The following NEGR1 variants were observed in gnomAD, a reference collection of about 807,000 sequenced individuals.
NEGR1 encodes the protein neuronal growth regulator 1, also known as IgLON family member 4.
In NEGR1, 10 loss-of-function variants were observed where a neutral mutation model predicts 40.9. The observed-to-expected ratio is 0.24, with a 90% CI of 0.15 to 0.42. The LOEUF is 0.42. Among genes scored for constraint, NEGR1 ranks in the 10% least tolerant of loss-of-function variants. The pLI is 1.00. For synonymous variants in NEGR1, 185 were observed against 166.8 expected, an observed-to-expected ratio of 1.11 and a Z score of -0.84; for missense variants, 352 against 438.9, an observed-to-expected ratio of 0.80 and a Z score of 1.77.
intron 2 of NEGR1, among the ~76,000 whole-genome samples, chr1:71,785,387 A>G (rs1324464395): frequency 1.3e-5 from 2 of 152,164 alleles, no homozygotes; most frequent in South Asian, 4.1e-4. Flanking sequence ...GGCACCAACT[A>G]TATAACTTCA....
At chr1:72,055,443 T>C (rs1277238789) in intron 1 of NEGR1, among the ~76,000 whole-genome samples, 1 of 151,192 alleles carries the variant, frequency 6.6e-6, no homozygotes, top group Non-Finnish European at 1.5e-5. Context: ...TAGAATTTAC[T>C]GTCATTTAAA....
At chr1:71,457,477 C>A (rs946199879) in intron 6 of NEGR1, among the ~76,000 whole-genome samples, 5 of 152,126 alleles carry the variant, frequency 3.3e-5, no homozygotes, top group African/African-American at 1.2e-4. Flanking sequence ...TGTTTGTTAT[C>A]CTTGTATGAT....
chr1:71,883,293 T>G (rs1660630255), intron 2 of NEGR1, among the ~76,000 whole-genome samples: 1 of 152,144 alleles, frequency 6.6e-6, no homozygotes, highest in African/African-American at 2.4e-5. Flanking sequence ...ATGACTTCAA[T>G]AATTTCCTCT....
At chr1:72,100,380 C>T (rs571356492) in intron 1 of NEGR1, among the ~76,000 whole-genome samples, 4 of 152,220 alleles carry the variant, frequency 2.6e-5, no homozygotes, top group South Asian at 4.2e-4. Context: ...ATTGCAAACA[C>T]CCAAGACTAT....
intron 6 of NEGR1, among the ~76,000 whole-genome samples, chr1:71,475,187 C>G (rs1337892976): frequency 6.6e-6 from 1 of 151,960 alleles, no homozygotes; most frequent in East Asian, 1.9e-4. Flanking sequence ...CTGATTGGTG[C>G]AGATATGCAT....
intron 6 of NEGR1, among the ~76,000 whole-genome samples, chr1:71,462,277 G>C (rs1646719137): frequency 6.6e-6 from 1 of 152,170 alleles, no homozygotes; most frequent in African/African-American, 2.4e-5. Context: ...TGTCAGGATA[G>C]AGCAACTCTT....
At chr1:71,664,723 T>C (rs1482917794) in intron 4 of NEGR1, among the ~76,000 whole-genome samples, 2 of 151,870 alleles carry the variant, frequency 1.3e-5, no homozygotes, top group African/African-American at 4.8e-5. Flanking sequence ...TTTGGCTTCT[T>C]TGAGAAAAAA....
At chr1:71,818,457 C>T (rs751848829) in intron 2 of NEGR1, among the ~76,000 whole-genome samples, 6 of 151,852 alleles carry the variant, frequency 4.0e-5, no homozygotes, top group Non-Finnish European at 5.9e-5. Context: ...CACATGTTCT[C>T]ACTTATAAAT....
intron 1 of NEGR1, among the ~76,000 whole-genome samples, chr1:71,942,092 A>G (rs1645964423): frequency 7.2e-6 from 1 of 138,148 alleles, no homozygotes; most frequent in South Asian, 2.1e-4. Flanking sequence ...AGCAAAAAAG[A>G]AAAAAAAAAC....
intron 3 of NEGR1, among the ~76,000 whole-genome samples, chr1:71,725,329 T>A (rs1654634852): frequency 6.6e-6 from 1 of 152,066 alleles, no homozygotes; most frequent in Non-Finnish European, 1.5e-5. Flanking sequence ...TTGCTTCCAT[T>A]CCTCTCTTTC....
chr1:71,519,638 G>A (rs372823875), intron 6 of NEGR1, among the ~76,000 whole-genome samples: 3 of 125,746 alleles, frequency 2.4e-5, no homozygotes, highest in African/African-American at 6.2e-5. Context: ...TAGATGACAC[G>A]TTAGTGGGTG....
At chr1:71,501,912 G>C (rs1420263558) in intron 6 of NEGR1, among the ~76,000 whole-genome samples, 1 of 152,130 alleles carries the variant, frequency 6.6e-6, no homozygotes, top group African/African-American at 2.4e-5. Flanking sequence ...TAAACATCTT[G>C]CTATGTGTAT....
At chr1:71,548,586 CAT>C (rs892634109) in intron 6 of NEGR1, among the ~76,000 whole-genome samples, 1 of 151,666 alleles carries the variant, frequency 6.6e-6, no homozygotes, top group Non-Finnish European at 1.5e-5. Flanking sequence ...ACGTTTGAAT[CAT>C]GTGTCAAGAT....
chr1:71,463,831 T>C (rs1003242875), intron 6 of NEGR1, among the ~76,000 whole-genome samples: 5 of 152,184 alleles, frequency 3.3e-5, no homozygotes, highest in Non-Finnish European at 7.4e-5. Context: ...TACAAAGCTC[T>C]GTGCTAGACT....
chr1:72,224,869 C>G (rs1226176311), intron 1 of NEGR1, among the ~76,000 whole-genome samples: 1 of 151,942 alleles, frequency 6.6e-6, no homozygotes, highest in Non-Finnish European at 1.5e-5. Context: ...CTGCATTATG[C>G]AAAGATACGC....
At chr1:72,229,901 C>A (rs1303074560) in intron 1 of NEGR1, among the ~76,000 whole-genome samples, 1 of 152,052 alleles carries the variant, frequency 6.6e-6, no homozygotes, top group African/African-American at 2.4e-5. Context: ...AATTTTTCCA[C>A]TCAATCCCTT....
chr1:71,925,157 T>G (rs1342021874), intron 2 of NEGR1, among the ~76,000 whole-genome samples: 2 of 152,184 alleles, frequency 1.3e-5, no homozygotes. Flanking sequence ...AGTCCACAAA[T>G]AGATTTACGG....
intron 3 of NEGR1, among the ~76,000 whole-genome samples, chr1:71,739,079 T>A (rs1655127068): frequency 6.6e-6 from 1 of 151,756 alleles, no homozygotes; most frequent in African/African-American, 2.4e-5. Context: ...GGTGTGTGTG[T>A]AAGCCTGTTG....
chr1:71,801,326 A>C (rs1657548222), intron 2 of NEGR1, among the ~76,000 whole-genome samples: 1 of 152,188 alleles, frequency 6.6e-6, no homozygotes, highest in African/African-American at 2.4e-5. Flanking sequence ...TGAGTCCATC[A>C]CATTTTATGG....
Sources: gnomAD v4.1 joint callset for allele counts (sites outside exome capture counted in the v4.1 genomes callset) on GRCh38, gnomAD v4.1.1 for gene constraint, MANE v1.5 for transcripts, NCBI Gene and HGNC (gene_info 2026-07-23, HGNC 2026-07-21) for gene names.